The following SCAPER variants were observed in gnomAD, a reference collection of about 807,000 sequenced individuals.
SCAPER encodes the protein S-phase cyclin A associated protein in the ER.
In SCAPER, 98 loss-of-function variants were observed where a neutral mutation model predicts 182.2. The ratio of observed to expected loss-of-function variants is 0.54; its 90% CI spans 0.46 to 0.64. The LOEUF (loss-of-function observed/expected upper bound fraction) is 0.64, where lower values mean the gene tolerates loss of function less well. SCAPER is among the 30% of genes least tolerant of loss of function. The probability of loss-of-function intolerance (pLI) is 0.00; values close to 1 mark genes in which losing one functional copy is unlikely to be tolerated. For missense variants in SCAPER, 1,432 were observed against 1,690.0 expected, an observed-to-expected ratio of 0.85 and a Z score of 2.68; for synonymous variants, 605 against 564.6, an observed-to-expected ratio of 1.07 and a Z score of -1.01.
chr15:76,769,442 C>CA lies in SCAPER; in HGVS notation c.1248+2299dup, dbSNP rs36078656. ...TGGGGGACACAGTGAGACTCTGTCT[C>CA]AAAAAAAAAAAAAAAAAAAAAGAGA... On this transcript the variant is annotated intron_variant, in intron 10 of 31. Coordinates refer to ENST00000563290, the MANE Select transcript of SCAPER (RefSeq NM_020843.4). Among the ~76,000 whole-genome samples, 296 of 69,540 alleles carry CA rather than the reference C, an allele frequency of 4.3e-3. 3 individuals are homozygous for CA. The highest frequency in any genetic ancestry group is 5.9e-3 in the African/African-American group (110 of 18,738). The allele number at this position is 69,540 out of a possible 152,430, so 45.6% of individuals were successfully genotyped here.
At chr15:76,814,994 A>T (rs2066947670) in intron 5 of SCAPER, among the ~76,000 whole-genome samples, 1 of 152,172 alleles carries the variant, frequency 6.6e-6, no homozygotes, top group Non-Finnish European at 1.5e-5. Context: ...AAAAATGGCT[A>T]ATAAGCATAA....
chr15:76,894,716 T>C (rs962820986), intron 1 of SCAPER, among the ~76,000 whole-genome samples: 1 of 152,134 alleles, frequency 6.6e-6, no homozygotes, highest in Non-Finnish European at 1.5e-5. Context: ...TTACAACTGA[T>C]ATTATAGAAA....
intron 1 of SCAPER, among the ~76,000 whole-genome samples, chr15:76,901,723 ATTTTT>A (rs10715597): frequency 6.9e-6 from 1 of 145,488 alleles, no homozygotes; most frequent in African/African-American, 2.5e-5. Context: ...ATTTCTAATA[ATTTTT>A]TTTTTTTTTG....
At chr15:76,413,693 C>T (rs989354468) in intron 26 of SCAPER, among the ~76,000 whole-genome samples, 2 of 152,122 alleles carry the variant, frequency 1.3e-5, no homozygotes, top group Non-Finnish European at 2.9e-5. Flanking sequence ...TATTTTTAGC[C>T]CATTTTAAAG....
At chr15:76,418,167 A>G (rs1016994594) in intron 26 of SCAPER, among the ~76,000 whole-genome samples, 5 of 152,190 alleles carry the variant, frequency 3.3e-5, no homozygotes, top group African/African-American at 1.2e-4. Flanking sequence ...TAGTGATGGA[A>G]GAAGTACATT....
intron 26 of SCAPER, among the ~76,000 whole-genome samples, chr15:76,432,859 C>T (rs1162285831): frequency 1.3e-5 from 2 of 152,182 alleles, no homozygotes; most frequent in Non-Finnish European, 1.5e-5. Flanking sequence ...TATTACATAA[C>T]CTTGGGCTAA....
chr15:76,529,586 G>T (rs1229003535), intron 23 of SCAPER, among the ~76,000 whole-genome samples: 5 of 152,226 alleles, frequency 3.3e-5, no homozygotes, highest in African/African-American at 1.2e-4. Context: ...CGTGGTAAGA[G>T]AAGGCCTTCT....
Position 76,376,326 on chromosome 15 carries a change from G to C in SCAPER, c.3706-15C>G, listed in dbSNP as rs754399001. 4 of 1,603,222 alleles carry C rather than the reference G, an allele frequency of 2.5e-6. No homozygotes were observed. Among genetic ancestry groups the C allele is most frequent in the Non-Finnish European group, 3.4e-6 (4 of 1,173,938 alleles). On this transcript the variant is annotated splice_polypyrimidine_tract_variant and intron_variant, in intron 28 of 31. Transcript: ENST00000563290. ...CCTACAATAGACTGACAAAGACAAG[G>C]AGCAGTTAGAAGCCCTCAGCCCAGG... is the stretch of plus-strand genomic sequence containing the variant.
chr15:76,430,357 A>T (rs958943523), intron 26 of SCAPER, among the ~76,000 whole-genome samples: 4 of 152,238 alleles, frequency 2.6e-5, no homozygotes, highest in African/African-American at 9.6e-5. Context: ...TGGTAGATCC[A>T]TTGACAGCTT....
intron 3 of SCAPER, among the ~76,000 whole-genome samples, chr15:76,858,905 G>A (rs1448238129): frequency 6.6e-6 from 1 of 152,122 alleles, no homozygotes; most frequent in Non-Finnish European, 1.5e-5. Flanking sequence ...CCATGTTTTT[G>A]CTGTTGAAAG....
At chr15:76,865,391 T>C (rs1487076566) in intron 2 of SCAPER, among the ~76,000 whole-genome samples, 3 of 152,060 alleles carry the variant, frequency 2.0e-5, no homozygotes, top group South Asian at 4.1e-4. Context: ...CTCTAATAAA[T>C]TGGTAACTTA....
In SCAPER at chr15:76,626,234, G is replaced by A. The variant is rs145985097; in HGVS notation, c.2646-4405C>T. ...GTTGTGGAGGAGGCACACACTAGAT[G>A]CCTCTAGTCAACCATCCGGAAGCAC... is the stretch of plus-strand genomic sequence containing the variant. On this transcript the variant is annotated intron_variant, in intron 21 of 31. Coordinates refer to ENST00000563290, the MANE Select transcript of SCAPER (RefSeq NM_020843.4). Among the ~76,000 whole-genome samples, 22 of 152,146 alleles carry A rather than the reference G, an allele frequency of 1.4e-4. 1 individual carries two copies. Among genetic ancestry groups the A allele is most frequent in the Non-Finnish European group, 2.6e-4 (18 of 68,004 alleles).
intron 8 of SCAPER, among the ~76,000 whole-genome samples, chr15:76,777,403 G>A (rs552713283): frequency 6.7e-4 from 102 of 152,174 alleles, no homozygotes; most frequent in African/African-American, 2.3e-3. Flanking sequence ...GAAATTTAAC[G>A]AAAGAAGGTT....
At chr15:76,589,453 T>G (rs12908421) in intron 22 of SCAPER, among the ~76,000 whole-genome samples, 58,677 of 151,894 alleles carry the variant, frequency 0.39, 13,492 homozygotes, top group Middle Eastern at 0.52. Context: ...ATACATGTTG[T>G]CAGGGAAGTG....
chr15:76,446,488 G>C (rs769579170), intron 25 of SCAPER, among the ~76,000 whole-genome samples: 9 of 152,196 alleles, frequency 5.9e-5, no homozygotes, highest in Non-Finnish European at 1.0e-4. Context: ...ACCTGGGGAA[G>C]TTTTAGAGGT....
chr15:76,632,036 T>C (rs577425829), intron 21 of SCAPER, among the ~76,000 whole-genome samples: 1 of 152,318 alleles, frequency 6.6e-6, no homozygotes, highest in South Asian at 2.1e-4. Context: ...AGGAAGACAG[T>C]CTTCAAGTTC....
chr15:76,476,595 ATTTTTTTTTTTTTTT>A (rs5813839), intron 24 of SCAPER, among the ~76,000 whole-genome samples: 1 of 73,532 alleles, frequency 1.4e-5, no homozygotes, highest in Admixed American at 2.3e-4. Context: ...CACCCAGCTA[ATTTTTTTTTTTTTTT>A]TTTTTTTTTT....
At chr15:76,720,916 G>A (rs1324881364) in intron 17 of SCAPER, among the ~76,000 whole-genome samples, 2 of 152,222 alleles carry the variant, frequency 1.3e-5, no homozygotes, top group South Asian at 4.2e-4. Flanking sequence ...CTGTGCAGAA[G>A]GTCTTTAGTT....
intron 25 of SCAPER, among the ~76,000 whole-genome samples, chr15:76,457,808 C>G (rs1481122180): frequency 1.3e-5 from 2 of 151,882 alleles, no homozygotes; most frequent in Non-Finnish European, 2.9e-5. Context: ...AAAATTTAAC[C>G]ATCACATGTA....
Sources: gnomAD v4.1 joint callset for allele counts (sites outside exome capture counted in the v4.1 genomes callset) on GRCh38, gnomAD v4.1.1 for gene constraint, MANE v1.5 for transcripts, NCBI Gene and HGNC (gene_info 2026-07-23, HGNC 2026-07-21) for gene names.